The following TSBP1 variants were observed in gnomAD, a reference collection of about 807,000 sequenced individuals.
The protein encoded by TSBP1 is testis expressed basic protein 1.
TSBP1 carries 56 observed loss-of-function variants against 68.8 expected under a neutral mutation model. That is an observed-to-expected ratio of 0.81 (90% CI 0.66 to 1.02). The LOEUF (loss-of-function observed/expected upper bound fraction) is 1.02, where lower values mean the gene tolerates loss of function less well. Among genes scored for constraint, TSBP1 ranks in the 50% least tolerant of loss-of-function variants. The pLI is 0.00. For missense variants in TSBP1, 502 were observed against 641.2 expected (o/e 0.78, Z 2.34); for synonymous variants, 171 against 208.7 (o/e 0.82, Z 1.56).
chr6:32,349,818 A>G (rs1771512304), exon 9 of TSBP1: 1 of 1,598,118 alleles, frequency 6.3e-7, no homozygotes, highest in Non-Finnish European at 8.6e-7. Context: ...GAGAACTTAG[A>G]TGCCATAGAC....
At chr6:32,313,632 T>C (rs189988295) in intron 19 of TSBP1, among the ~76,000 whole-genome samples, 52 of 152,256 alleles carry the variant, frequency 3.4e-4, no homozygotes, top group African/African-American at 1.2e-3. Context: ...TAGTTTCTTA[T>C]TCCTTGGGGG....
intron 16 of TSBP1, chr6:32,326,294 A>G (rs923060115): frequency 1.4e-6 from 1 of 695,420 alleles, no homozygotes; most frequent in African/African-American, 1.7e-5. Context: ...AGCTGGTACA[A>G]AGAAGACATG....
At chr6:32,323,556 C>A in intron 17 of TSBP1, 35 bp downstream of exon 18, 1 of 1,604,382 alleles carries the variant, frequency 6.2e-7, no homozygotes, top group Non-Finnish European at 8.5e-7. Context: ...ACAAGAACAA[C>A]AACAGAAAAG....
rs1005237827 is a variant in TSBP1 at position 32,304,585 on chromosome 6, T to A, written c.581-1956A>T. On this transcript the variant is annotated intron_variant, in intron 19 of 22. Transcript: ENST00000612031. This position sits in a 1 kb window ranked among gnomAD's most constrained non-coding sequence, Gnocchi z 4.8. ...CACTTTTTCTAATGAAATAAAATAT[T>A]TTTTTAAACATTCTTAAACTAGGTC... Among the ~76,000 whole-genome samples, 3 of 152,174 alleles carry A rather than the reference T, an allele frequency of 2.0e-5. No individual in the cohort carries two copies. Among genetic ancestry groups the A allele is most frequent in the Non-Finnish European group, 4.4e-5 (3 of 68,034 alleles).
chr6:32,293,014 T>G (rs908883913), exon 23 of TSBP1: 1 of 1,605,308 alleles, frequency 6.2e-7, no homozygotes, highest in Non-Finnish European at 8.5e-7. Context: ...ACTTCCTTCC[T>G]GTATTTGCCT....
intron 6 of TSBP1, among the ~76,000 whole-genome samples, chr6:32,363,079 TA>T (rs1245977010): frequency 2.0e-5 from 3 of 152,204 alleles, no homozygotes; most frequent in Admixed American, 6.5e-5. Context: ...TTATAATTTT[TA>T]TATCCTCTTG....
chr6:32,367,787 G>GA, intron 4 of TSBP1, 138 bp downstream of exon 4: 2 of 575,402 alleles, frequency 3.5e-6, no homozygotes, highest in Admixed American at 3.6e-5. Context: ...GAGAAAGAGA[G>GA]GAGTGATAAG....
chr6:32,368,671 G>C, intron 3 of TSBP1, 111 bp downstream of exon 3: 1 of 1,126,416 alleles, frequency 8.9e-7, no homozygotes, highest in Non-Finnish European at 1.3e-6. Flanking sequence ...ATGCAATGGT[G>C]CACTATGCAA....
In TSBP1 at chr6:32,336,770, C is replaced by T; in HGVS notation, c.410-135G>A. The T allele has an allele frequency of 1.4e-5, 10 of 717,422 alleles. No individual in the cohort carries two copies. In the South Asian group the frequency reaches 1.6e-4, roughly 12 times the overall value. The allele number at this position is 717,422 out of a possible 1,614,324, so 44.4% of individuals were successfully genotyped here. On this transcript the variant is annotated intron_variant, in intron 11 of 22. Transcript: ENST00000612031. This position sits in a 1 kb window ranked among gnomAD's most constrained non-coding sequence, Gnocchi z 5.2. ...CTGTGGGACTGCAGATGATCTTAGC[C>T]TGGAAGCTGCATAACCCTCCTACCA...
chr6:32,345,246 T>A (rs1770872753), intron 9 of TSBP1, among the ~76,000 whole-genome samples: 1 of 151,810 alleles, frequency 6.6e-6, no homozygotes, highest in African/African-American at 2.4e-5. Context: ...AGTTTCCCTA[T>A]GTGCTCCCTT....
intron 6 of TSBP1, among the ~76,000 whole-genome samples, chr6:32,363,688 TA>T (rs9279601): frequency 0.49 from 74,226 of 151,510 alleles, 19,579 homozygotes; most frequent in East Asian, 0.66. Context: ...AATTTACATT[TA>T]AAAAAATTGT....
intron 18 of TSBP1, among the ~76,000 whole-genome samples, chr6:32,320,534 AT>A (rs1422018582): frequency 6.6e-6 from 1 of 151,422 alleles, no homozygotes; most frequent in Non-Finnish European, 1.5e-5. Flanking sequence ...TGTCATCTCT[AT>A]TTTTTCATCC....
At chr6:32,301,360 C>T (rs546271040) in intron 20 of TSBP1, among the ~76,000 whole-genome samples, 2 of 152,074 alleles carry the variant, frequency 1.3e-5, no homozygotes, top group South Asian at 4.2e-4. Context: ...CAGTTGTTAC[C>T]AAGTACTGAA....
chr6:32,308,847 T>C (rs1281829462), intron 19 of TSBP1, among the ~76,000 whole-genome samples: 1 of 152,072 alleles, frequency 6.6e-6, no homozygotes, highest in Non-Finnish European at 1.5e-5. Flanking sequence ...TAGTTCATAA[T>C]CATTAGCCTT....
At chr6:32,312,676 A>G (rs1766523658) in intron 19 of TSBP1, among the ~76,000 whole-genome samples, 1 of 152,202 alleles carries the variant, frequency 6.6e-6, no homozygotes, top group Non-Finnish European at 1.5e-5. Flanking sequence ...ATCAATAAAT[A>G]GTTTCATTCG....
At chr6:32,346,436 A>G (rs1048171817) in intron 9 of TSBP1, among the ~76,000 whole-genome samples, 2 of 152,158 alleles carry the variant, frequency 1.3e-5, no homozygotes, top group African/African-American at 2.4e-5. Context: ...CTTACTCCCT[A>G]AAACACACCA....
At position 32,338,072 on chromosome 6, in the gene TSBP1, A is replaced by G. The variant is rs1244892962; in HGVS notation, c.409+907T>C. Among the ~76,000 whole-genome samples, 2 of 152,184 alleles carry G rather than the reference A, an allele frequency of 1.3e-5. No homozygotes were observed. The highest frequency in any genetic ancestry group is 2.9e-5 in the Non-Finnish European group (2 of 68,018). ...TTTCATCTTTCTTGTCTTTGGCTTT[A>G]AGGTCACTCTTGGTGTGGGGAATCT... On this transcript the variant is annotated intron_variant, in intron 11 of 22. Transcript: ENST00000612031. This position sits in a 1 kb window ranked among gnomAD's most constrained non-coding sequence, Gnocchi z 5.5.
In TSBP1 at chr6:32,357,367, T is replaced by C. The variant is rs1464756395; in HGVS notation, c.218-1698A>G. ...TACTAAATTACATAAGAATAAACTC[T>C]CTGACTGCCTAAAATTTGGAATTAG... On this transcript the variant is annotated intron_variant, in intron 6 of 22. Coordinates refer to ENST00000612031, the Ensembl canonical transcript of TSBP1. This position sits in a 1 kb window ranked among gnomAD's most constrained non-coding sequence, Gnocchi z 4.7. Among the ~76,000 whole-genome samples, 1 of 152,216 alleles carries C rather than the reference T, an allele frequency of 6.6e-6. No individual in the cohort carries two copies. The highest frequency in any genetic ancestry group is 1.5e-5 in the Non-Finnish European group (1 of 68,036).
In TSBP1 at chr6:32,306,882, A is replaced by G. The variant is rs1439899169; in HGVS notation, c.581-4253T>C. On this transcript the variant is annotated intron_variant, in intron 19 of 22. Transcript: ENST00000612031. The surrounding 1 kb of genome is among the most constrained non-coding windows in gnomAD (Gnocchi z 5.1). Reference sequence around the variant, plus strand: ...AAATAGATGATTTGGCTAGGCTAACAAAGTATTCATTTTGCAGTATTTCCA... The same window carrying G: ...AAATAGATGATTTGGCTAGGCTAACGAAGTATTCATTTTGCAGTATTTCCA... Among the ~76,000 whole-genome samples the G allele has an allele frequency of 6.6e-6, 1 of 152,148 alleles. No individual in the cohort carries two copies. The highest frequency in any genetic ancestry group is 2.4e-5 in the African/African-American group (1 of 41,430).
Sources: allele counts gnomAD v4.1 joint callset (sites outside exome capture counted in the v4.1 genomes callset), GRCh38; gene constraint gnomAD v4.1.1; non-coding constraint Gnocchi (gnomAD v3.1); transcripts MANE v1.5; gene names NCBI Gene and HGNC (gene_info 2026-07-23, HGNC 2026-07-21).